The following DHX30 variants were observed in gnomAD, a reference collection of about 807,000 sequenced individuals.
DHX30 encodes DExH-box helicase 30.
DHX30 carries 4 observed loss-of-function variants against 116.9 expected under a neutral mutation model. The observed-to-expected ratio is 0.03, with a 90% CI of 0.02 to 0.08. The LOEUF is 0.08. Among genes scored for constraint, DHX30 ranks in the 10% least tolerant of loss-of-function variants. The probability of loss-of-function intolerance (pLI) is 1.00; values close to 1 mark genes in which losing one functional copy is unlikely to be tolerated. For missense variants in DHX30, 871 were observed against 1,595.1 expected, an observed-to-expected ratio of 0.55 and a Z score of 7.73; for synonymous variants, 697 against 651.7, an observed-to-expected ratio of 1.07 and a Z score of -1.06.
At chr3:47,827,202 CTT>C in intron 4 of DHX30, 143 bp from the exon 5 acceptor site, 1 of 741,452 alleles carries the variant, frequency 1.3e-6, no homozygotes, top group East Asian at 3.3e-5. Context: ...AGTCATTCCT[CTT>C]TTCTTTTCCA....
At chr3:47,814,067 C>T (rs977777120) in intron 3 of DHX30, among the ~76,000 whole-genome samples, 2 of 151,250 alleles carry the variant, frequency 1.3e-5, no homozygotes, top group Non-Finnish European at 2.9e-5. Context: ...AGCAGGTTTT[C>T]TCATGGTGAG....
intron 6 of DHX30, among the ~76,000 whole-genome samples, 182 bp downstream of exon 6, chr3:47,829,316 T>TATATATATATATA (rs139342520): frequency 3.0e-5 from 1 of 33,256 alleles, no homozygotes; most frequent in African/African-American, 1.3e-4. Context: ...ATATATATAT[T>TATATATATATATA]TTTTTTTTTT....
chr3:47,843,691 T>C (rs2037475638), intron 9 of DHX30, among the ~76,000 whole-genome samples: 1 of 152,126 alleles, frequency 6.6e-6, no homozygotes, highest in Admixed American at 6.6e-5. Context: ...AGAGACAGTG[T>C]GGCAGACAGC....
intron 9 of DHX30, among the ~76,000 whole-genome samples, chr3:47,845,089 G>A (rs1223757006): frequency 6.6e-6 from 1 of 152,062 alleles, no homozygotes; most frequent in East Asian, 1.9e-4. Flanking sequence ...GGTGTTGGGG[G>A]GGCTGTAGCC....
At chr3:47,839,056 C>T (rs898757587) in intron 6 of DHX30, among the ~76,000 whole-genome samples, 2 of 151,442 alleles carry the variant, frequency 1.3e-5, no homozygotes, top group Admixed American at 6.6e-5. Flanking sequence ...TCTTATATTC[C>T]GAACTGCTTG....
chr3:47,820,420 C>T (rs150101359), intron 4 of DHX30, among the ~76,000 whole-genome samples: 79 of 152,274 alleles, frequency 5.2e-4, no homozygotes, highest in African/African-American at 1.4e-3. Flanking sequence ...TCCTCTTACC[C>T]GTCTCCTTGC....
At chr3:47,843,403 C>T (rs1028148592) in intron 9 of DHX30, 148 bp downstream of exon 9, 10 of 1,081,246 alleles carry the variant, frequency 9.2e-6, no homozygotes, top group African/African-American at 3.2e-5. Flanking sequence ...GCAGGCCTCG[C>T]TTGTAGGCCC....
chr3:47,806,226 C>T (rs2035513970), intron 2 of DHX30, among the ~76,000 whole-genome samples: 1 of 151,368 alleles, frequency 6.6e-6, no homozygotes, highest in South Asian at 2.1e-4. Context: ...TCACTGCAAC[C>T]TCTGCCTCCT....
At chr3:47,844,770 T>C (rs187927865) in intron 9 of DHX30, among the ~76,000 whole-genome samples, 2 of 152,350 alleles carry the variant, frequency 1.3e-5, no homozygotes, top group East Asian at 1.9e-4. Flanking sequence ...GTTTTATCTC[T>C]GGTGAGGTGG....
chr3:47,826,436 TTTTC>T (rs1478714737), intron 4 of DHX30, among the ~76,000 whole-genome samples: 3 of 151,232 alleles, frequency 2.0e-5, no homozygotes, highest in African/African-American at 4.8e-5. Context: ...GATGTAGAGG[TTTTC>T]TTTCTTTTTT....
intron 6 of DHX30, 87 bp from the exon 7 acceptor site, chr3:47,840,790 C>T: frequency 6.4e-7 from 1 of 1,550,472 alleles, no homozygotes; most frequent in Non-Finnish European, 8.8e-7. Flanking sequence ...CTGCACAACA[C>T]AACTTAACGG....
intron 5 of DHX30, among the ~76,000 whole-genome samples, chr3:47,828,177 G>T (rs2036633452): frequency 6.6e-6 from 1 of 151,870 alleles, no homozygotes. Context: ...ATAAAGATGG[G>T]GCCTGGTTGT....
chr3:47,809,704 C>T (rs2035704577), intron 2 of DHX30, among the ~76,000 whole-genome samples: 1 of 152,090 alleles, frequency 6.6e-6, no homozygotes, highest in Non-Finnish European at 1.5e-5. Context: ...CGCCCCAGGT[C>T]AGCCCTCCAC....
chr3:47,815,888 A>T lies in DHX30; in HGVS notation c.29-2134A>T, dbSNP rs1439732825. 4.1e-6 allele frequency: 4 copies of T among 978,272 alleles called. No homozygotes were observed. The African/African-American group carries it at 7.0e-5, about 17-fold the overall frequency. The allele number at this position is 978,272 out of a possible 1,614,324, so 60.6% of individuals were successfully genotyped here. On this transcript the variant is annotated intron_variant, in intron 3 of 21. Coordinates refer to ENST00000445061, the MANE Select transcript of DHX30 (RefSeq NM_138615.3). Reference sequence around the variant, plus strand: ...TATGGGATTGTAACAACTCTCTCCCAATTGCTGAAAATGCTTAATGAGATA... The same window carrying T: ...TATGGGATTGTAACAACTCTCTCCCTATTGCTGAAAATGCTTAATGAGATA...
chr3:47,809,942 C>T (rs2035716868), intron 2 of DHX30, among the ~76,000 whole-genome samples: 2 of 152,114 alleles, frequency 1.3e-5, no homozygotes, highest in Non-Finnish European at 2.9e-5. Flanking sequence ...AATTGTTAAA[C>T]CAGATGTGTT....
chr3:47,833,493 C>T (rs544604473), intron 6 of DHX30, among the ~76,000 whole-genome samples: 5 of 136,794 alleles, frequency 3.7e-5, no homozygotes, highest in Admixed American at 3.2e-4. Flanking sequence ...GATCATACCA[C>T]TGACCTCCAG....
At chr3:47,834,021 C>T (rs549037360) in intron 6 of DHX30, among the ~76,000 whole-genome samples, 1 of 152,174 alleles carries the variant, frequency 6.6e-6, no homozygotes, top group Non-Finnish European at 1.5e-5. Context: ...TCTTTTCTTC[C>T]TGCCCCTGGT....
intron 2 of DHX30, among the ~76,000 whole-genome samples, chr3:47,807,130 C>T (rs566934704): frequency 1.4e-4 from 21 of 151,760 alleles, no homozygotes; most frequent in African/African-American, 3.4e-4. Context: ...CATTTGAATC[C>T]GGGAGGTGGA....
intron 2 of DHX30, among the ~76,000 whole-genome samples, chr3:47,807,638 G>A (rs1012743899): frequency 1.3e-5 from 2 of 148,976 alleles, no homozygotes; most frequent in African/African-American, 2.5e-5. Flanking sequence ...CCGGGAGGTG[G>A]AGGTTGCAGT....
Sources: gnomAD v4.1 joint callset for allele counts (sites outside exome capture counted in the v4.1 genomes callset) on GRCh38, gnomAD v4.1.1 for gene constraint, MANE v1.5 for transcripts, NCBI Gene and HGNC (gene_info 2026-07-23, HGNC 2026-07-21) for gene names.